The following CFHR1 variants were observed in gnomAD, a reference collection of about 807,000 sequenced individuals.
CFHR1 encodes the protein complement factor H-related protein 1.
Under a neutral mutation model 30.4 loss-of-function variants are expected in CFHR1, and 22 were observed. The ratio of observed to expected loss-of-function variants is 0.72; its 90% CI spans 0.52 to 1.03. The LOEUF is 1.03. Ranked by LOEUF, CFHR1 falls within the 50% of genes least tolerant of loss-of-function variation. The pLI is 0.00. For synonymous variants in CFHR1, 95 were observed against 129.1 expected (o/e 0.74, Z 1.79); for missense variants, 248 against 380.6 (o/e 0.65, Z 2.90).
At position 196,827,758 on chromosome 1, in the gene CFHR1, T is replaced by TC. The variant is rs34212723; in HGVS notation, c.431-312_431-311insC. ...AATAAATAGAACTGGTAATATTTGT[T>TC]TACTCAAACTCAAAGAGAGATATCC... On this transcript the variant is annotated intron_variant, in intron 3 of 5. Transcript: ENST00000320493. Among the ~76,000 whole-genome samples, 59,103 of 128,630 alleles carry TC rather than the reference T, an allele frequency of 0.46. 19,311 individuals carry two copies. The highest frequency in any genetic ancestry group is 0.56 in the African/African-American group (16,361 of 29,060). The allele number at this position is 128,630 out of a possible 152,430, so 84.4% of individuals were successfully genotyped here.
Position 196,828,825 on chromosome 1 carries a change from G to A in CFHR1, c.607+579G>A, listed in dbSNP as rs183156883. 3.8e-4 allele frequency among the ~76,000 whole-genome samples: 47 copies of A among 123,978 alleles called. 13 individuals are homozygous for A. Among genetic ancestry groups the A allele is most frequent in the African/African-American group, 1.6e-3 (46 of 28,052 alleles). 81.3% of individuals were successfully genotyped at this position (123,978 alleles called of 152,430 possible). ...TTTTTTTTTTTCACTATTTTACTTA[G>A]ACTCTACCTATGTTTATTATTGAAG... On this transcript the variant is annotated intron_variant, in intron 4 of 5. Transcript: ENST00000320493.
chr1:196,822,642 C>G (rs111421201), intron 1 of CFHR1, among the ~76,000 whole-genome samples: 3 of 134,504 alleles, frequency 2.2e-5, no homozygotes, highest in East Asian at 3.9e-4. Context: ...AAGGTCTTCA[C>G]GGCAGTAACA....
Position 196,829,537 on chromosome 1 carries a change from T to C in CFHR1, c.608-963T>C, listed in dbSNP as rs578114985. ...GACAAATTCTCTTGGTTTCCCTTTC[T>C]CTGAGAATGTCTATATTTACCCCTT... is the stretch of plus-strand genomic sequence containing the variant. On this transcript the variant is annotated intron_variant, in intron 4 of 5. Coordinates refer to ENST00000320493, the MANE Select transcript of CFHR1 (RefSeq NM_002113.3). Among the ~76,000 whole-genome samples, 23 of 134,542 alleles carry C rather than the reference T, an allele frequency of 1.7e-4. 3 individuals carry two copies. The highest frequency in any genetic ancestry group is 2.9e-4 in the Admixed American group (4 of 13,998). 88.3% of individuals were successfully genotyped at this position (134,542 alleles called of 152,430 possible).
In CFHR1 at chr1:196,826,920, C is replaced by T; in HGVS notation, c.345C>T (p.Asn115=). The change falls in exon 3 of 6, where the codon AAC becomes AAT. Residue 115 remains asparagine, a synonymous_variant. Transcript: ENST00000320493. ...LEGDTVQIIC[N]TGYRLQNNEN... ...GTGATACTGTGCAAATTATTTGCAACACAGGATACAGACTTCAAAACAATG... is the reference window on the plus strand; with the variant it reads ...GTGATACTGTGCAAATTATTTGCAATACAGGATACAGACTTCAAAACAATG... The T allele has an allele frequency of 3.3e-6, 5 of 1,525,236 alleles. No homozygotes were observed. Among genetic ancestry groups the T allele is most frequent in the Non-Finnish European group, 4.4e-6 (5 of 1,129,326 alleles). The allele number at this position is 1,525,236 out of a possible 1,614,324, so 94.5% of individuals were successfully genotyped here. A position where few individuals can be genotyped will look rare whatever the true frequency, so the allele number is the denominator to read the frequency against.
rs11393029 is a variant in CFHR1 at position 196,825,319 on chromosome 1, G to GT, written c.59-158_59-157insT. The GT allele has an allele frequency of 0.45, 239,891 of 537,842 alleles. 72,805 individuals are homozygous for GT. The highest frequency in any genetic ancestry group is 0.66 in the African/African-American group (25,883 of 39,054). 33.3% of individuals were successfully genotyped at this position (537,842 alleles called of 1,614,324 possible). ...TAGTCATGTACTCCTAGTTAGTGATGCTTTTCATTCCTAATTTGTACACTG... is the reference window on the plus strand; with the variant it reads ...TAGTCATGTACTCCTAGTTAGTGATGTCTTTTCATTCCTAATTTGTACACTG... On this transcript the variant is annotated intron_variant, in intron 1 of 5. Coordinates refer to ENST00000320493, the MANE Select transcript of CFHR1 (RefSeq NM_002113.3).
intron 5 of CFHR1, among the ~76,000 whole-genome samples, 175 bp from the exon 6 acceptor site, chr1:196,831,622 T>A (rs1483879707): frequency 7.4e-6 from 1 of 135,580 alleles, no homozygotes; most frequent in Non-Finnish European, 1.6e-5. Context: ...CATTTTCACA[T>A]CGATTACCAT....
At chr1:196,831,741 T>A in intron 5 of CFHR1, 56 bp from the exon 6 acceptor site, 1 of 1,449,764 alleles carries the variant, frequency 6.9e-7, no homozygotes. Flanking sequence ...AACCTGAAAG[T>A]CTATGAAGAT....
At chr1:196,830,748 T>C (rs2124896115) in intron 5 of CFHR1, 66 bp downstream of exon 5, 1 of 1,482,096 alleles carries the variant, frequency 6.7e-7, no homozygotes, top group South Asian at 1.3e-5. Flanking sequence ...TTGCTGTTGG[T>C]AACAAAATAA....
At position 196,825,613 on chromosome 1, in the gene CFHR1, A is replaced by C. The variant is rs41305054; in HGVS notation, c.195A>C (p.Ser65=). ...CEYNFVSPSK[S]FWTRITCTEE... ...ATAATTTTGTGTCTCCTTCAAAATC[A>C]TTTTGGACTCGCATAACATGCACAG... is the stretch of plus-strand genomic sequence containing the variant. The change falls in exon 2 of 6, where the codon TCA becomes TCC. Residue 65 remains serine, a synonymous_variant. Coordinates refer to ENST00000320493, the MANE Select transcript of CFHR1 (RefSeq NM_002113.3). 16 of 1,525,214 alleles carry C rather than the reference A, an allele frequency of 1.0e-5. 2 individuals are homozygous for C. In the Admixed American group the frequency reaches 1.7e-4, roughly 16 times the overall value. The allele number at this position is 1,525,214 out of a possible 1,614,324, so 94.5% of individuals were successfully genotyped here. A position where few individuals can be genotyped will look rare whatever the true frequency, so the allele number is the denominator to read the frequency against.
At chr1:196,830,713 A>G (rs1655520940) in intron 5 of CFHR1, 31 bp downstream of exon 5, 1 of 1,520,040 alleles carries the variant, frequency 6.6e-7, no homozygotes, top group Admixed American at 1.7e-5. Flanking sequence ...GTGGCTGGAA[A>G]AATCAGTGTG....
At position 196,831,933 on chromosome 1, in the gene CFHR1, T is replaced by C. The variant is rs778360646; in HGVS notation, c.927T>C (p.Arg309=). Reference sequence around the variant, plus strand: ...AACGGGGATATCGTCTTTCATCACGTTCTCACACATTGCGAACAACATGTT... The same window carrying C: ...AACGGGGATATCGTCTTTCATCACGCTCTCACACATTGCGAACAACATGTT... ...VCKRGYRLSS[R]SHTLRTTCWD... is the part of the protein sequence containing the mutation. The change falls in exon 6 of 6, where the codon CGT becomes CGC. Residue 309 remains arginine (R), a synonymous_variant. Coordinates refer to ENST00000320493, the MANE Select transcript of CFHR1 (RefSeq NM_002113.3). The C allele has an allele frequency of 5.2e-6, 8 of 1,525,356 alleles. No homozygotes were observed. In the Admixed American group the frequency reaches 1.2e-4, roughly 23 times the overall value. The allele number at this position is 1,525,356 out of a possible 1,614,324, so 94.5% of individuals were successfully genotyped here.
chr1:196,827,938 A>G (rs1655394397), intron 3 of CFHR1, 132 bp from the exon 4 acceptor site: 1 of 841,204 alleles, frequency 1.2e-6, no homozygotes, highest in South Asian at 2.2e-5. Context: ...TAAATTTATT[A>G]AAATCAACAA....
chr1:196,820,649 A>T (rs183942234), intron 1 of CFHR1, among the ~76,000 whole-genome samples: 2,327 of 126,422 alleles, frequency 0.018, 632 homozygotes, highest in African/African-American at 0.075. Flanking sequence ...TTCGATCATT[A>T]TGCTTTACCC....
rs1573147729 is a variant in CFHR1 at position 196,824,871 on chromosome 1, C to T, written c.59-606C>T. On this transcript the variant is annotated intron_variant, in intron 1 of 5. Transcript: ENST00000320493. ...ATATACAACATTAACCAGAATTTAGCTCTAACTTTATCTTGATTGAGTTGT... is the reference window on the plus strand; with the variant it reads ...ATATACAACATTAACCAGAATTTAGTTCTAACTTTATCTTGATTGAGTTGT... 2.5e-5 allele frequency among the ~76,000 whole-genome samples: 3 copies of T among 122,284 alleles called. 1 individual carries two copies. The highest frequency in any genetic ancestry group is 1.1e-4 in the African/African-American group (3 of 26,764). 80.2% of individuals were successfully genotyped at this position (122,284 alleles called of 152,430 possible).
intron 4 of CFHR1, among the ~76,000 whole-genome samples, chr1:196,829,829 G>A (rs1456830786): frequency 3.0e-5 from 4 of 134,090 alleles, no homozygotes; most frequent in Admixed American, 1.4e-4. Context: ...ATAAGTTTAT[G>A]CCTTATTGTC....
intron 1 of CFHR1, among the ~76,000 whole-genome samples, 192 bp downstream of exon 1, chr1:196,820,094 C>G (rs1398979802): frequency 2.1e-5 from 3 of 146,232 alleles, no homozygotes; most frequent in Non-Finnish European, 4.5e-5. Flanking sequence ...TTAGTTCTCT[C>G]CATCCTCTAA....
At chr1:196,821,337 A>G (rs1655115388) in intron 1 of CFHR1, 1 of 100,442 alleles carries the variant, frequency 1.0e-5, no homozygotes, top group Non-Finnish European at 1.9e-5. Flanking sequence ...AAAATATGAG[A>G]GAAATATGTA....
rs767187140 is a variant in CFHR1 at position 196,831,970 on chromosome 1, C to T, written c.964C>T (p.Leu322=). 8.3e-5 allele frequency: 126 copies of T among 1,524,048 alleles called. 18 individuals carry two copies. Among genetic ancestry groups the T allele is most frequent in the Non-Finnish European group, 7.0e-5 (79 of 1,128,076 alleles). 94.4% of individuals were successfully genotyped at this position (1,524,048 alleles called of 1,614,324 possible). ...GCGAACAACATGTTGGGATGGGAAA[C>T]TGGAGTATCCAACTTGTGCAAAAAG... ...TLRTTCWDGK[L]EYPTCAKR is the part of the protein sequence containing the mutation. Residue 322 remains leucine (L), a synonymous_variant, in exon 6 of 6, where the codon CTG becomes TTG. Transcript: ENST00000320493.
In CFHR1 at chr1:196,825,743, A is replaced by G. The variant is rs1326142171; in HGVS notation, c.253+72A>G. 4 of 1,378,232 alleles carry G rather than the reference A, an allele frequency of 2.9e-6. 1 individual carries two copies. Among genetic ancestry groups the G allele is most frequent in the Non-Finnish European group, 4.0e-6 (4 of 1,004,478 alleles). The allele number at this position is 1,378,232 out of a possible 1,614,324, so 85.4% of individuals were successfully genotyped here. ...AGAAGGATATGCCAGACAAGATCAT[A>G]AGGTCTTGATAATCACAGGGACAGT... On this transcript the variant is annotated intron_variant, in intron 2 of 5. Coordinates refer to ENST00000320493, the MANE Select transcript of CFHR1 (RefSeq NM_002113.3).
Sources: gnomAD v4.1 joint callset for allele counts (sites outside exome capture counted in the v4.1 genomes callset) on GRCh38, gnomAD v4.1.1 for gene constraint, MANE v1.5 for transcripts, NCBI Gene and HGNC (gene_info 2026-07-23, HGNC 2026-07-21) for gene names.